Variants in SCEL observed in about 807,000 individuals in gnomAD.
SCEL encodes the protein sciellin.
A neutral mutation model predicts 117.6 loss-of-function variants in SCEL; 113 were observed. That is an observed-to-expected ratio of 0.96 (90% confidence interval 0.83 to 1.12). The LOEUF (loss-of-function observed/expected upper bound fraction) is 1.12, where lower values mean the gene tolerates loss of function less well. Ranked by LOEUF, SCEL falls within the 50% of genes most tolerant of loss-of-function variation. The pLI, the probability that SCEL is intolerant of heterozygous loss-of-function variation, is 0.00. For missense variants in SCEL, 785 were observed against 810.8 expected (o/e 0.97, Z 0.39); for synonymous variants, 270 against 256.2 (o/e 1.05, Z -0.51).
intron 1 of SCEL, among the ~76,000 whole-genome samples, chr13:77,545,534 A>G (rs1206191041): frequency 6.6e-6 from 1 of 152,252 alleles, no homozygotes; most frequent in Non-Finnish European, 1.5e-5. Flanking sequence ...ATATCCATGT[A>G]TATATAAAGT....
At chr13:77,641,869 A>G (rs1479948684) in intron 31 of SCEL, among the ~76,000 whole-genome samples, 2 of 152,170 alleles carry the variant, frequency 1.3e-5, no homozygotes, top group Non-Finnish European at 2.9e-5. Flanking sequence ...TTCCAATTTT[A>G]GGGCATAATG....
chr13:77,613,197 C>T (rs1372856149), intron 23 of SCEL, among the ~76,000 whole-genome samples: 1 of 151,858 alleles, frequency 6.6e-6, no homozygotes, highest in Non-Finnish European at 1.5e-5. Context: ...GACACAGTAA[C>T]AGCATAACTA....
chr13:77,577,452 A>G (rs1173655907), intron 9 of SCEL, among the ~76,000 whole-genome samples: 1 of 152,058 alleles, frequency 6.6e-6, no homozygotes, highest in Non-Finnish European at 1.5e-5. Flanking sequence ...CTCACTCACT[A>G]TCACTAGAAC....
At chr13:77,630,735 T>C (rs1162295712) in intron 28 of SCEL, among the ~76,000 whole-genome samples, 1 of 152,222 alleles carries the variant, frequency 6.6e-6, no homozygotes, top group African/African-American at 2.4e-5. Context: ...CATTTGGAAT[T>C]CTATAAGATT....
chr13:77,592,716 A>C (rs1198379357), intron 11 of SCEL, among the ~76,000 whole-genome samples: 1 of 151,298 alleles, frequency 6.6e-6, no homozygotes, highest in African/African-American at 2.4e-5. Flanking sequence ...AGGCCACCAC[A>C]CCCAGCTAAT....
In SCEL at chr13:77,608,058, G is replaced by T. The variant is rs1319245423; in HGVS notation, c.1160G>T (p.Gly387Val). The change falls in exon 20 of 33, where the codon GGC becomes GTC. Residue 387 changes from glycine to valine, a missense_variant and splice_region_variant. Coordinates refer to ENST00000349847, the MANE Select transcript of SCEL (RefSeq NM_144777.3). ...DPETNKNITR[G>V]QSLDNLIKVT... The stretch of plus-strand genomic sequence containing the variant: ...ACCATTTCTTCAATGTTTTAAAGGG[G>T]CCAGAGCCTTGATAATCTCATCAAA... 1 of 1,612,452 alleles carries T rather than the reference G, an allele frequency of 6.2e-7. No homozygotes were observed.
chr13:77,588,270 T>C (rs1028520610), intron 9 of SCEL, among the ~76,000 whole-genome samples: 2 of 152,154 alleles, frequency 1.3e-5, no homozygotes, highest in African/African-American at 4.8e-5. Context: ...AGAAAGATTA[T>C]TACAGATGAA....
chr13:77,592,157 T>C (rs2086910455), intron 11 of SCEL, among the ~76,000 whole-genome samples: 1 of 152,184 alleles, frequency 6.6e-6, no homozygotes, highest in Non-Finnish European at 1.5e-5. Flanking sequence ...AAAACTTATA[T>C]ACTTTTCATT....
rs749397066 is a variant in SCEL, at chr13:77,640,683, A to G, written c.1846A>G (p.Ile616Val). ...TVYSTSDRSV[I>V]ERDMCTYCRK... ...TTGCTTACATTTCTATAGGTCTGTC[A>G]TTGAAAGAGATATGTGCACTTACTG... is the stretch of plus-strand genomic sequence containing the variant. The change falls in exon 31 of 33, where the codon ATT becomes GTT. Residue 616 changes from isoleucine to valine, a missense_variant. Ile to Val is a conservative substitution (Grantham distance 29). Transcript: ENST00000349847. 2.6e-6 allele frequency: 4 copies of G among 1,566,320 alleles called. No individual in the cohort carries two copies. Among genetic ancestry groups the G allele is most frequent in the Non-Finnish European group, 3.5e-6 (4 of 1,145,764 alleles).
chr13:77,558,016 A>G (rs694158), intron 3 of SCEL, among the ~76,000 whole-genome samples: 102,769 of 152,104 alleles, frequency 0.68, 35,159 homozygotes, highest in Admixed American at 0.75. Context: ...TGGAGTTAGC[A>G]CTATTGGACA....
At chr13:77,616,078 T>C (rs2089013443) in intron 24 of SCEL, among the ~76,000 whole-genome samples, 1 of 151,274 alleles carries the variant, frequency 6.6e-6, no homozygotes, top group Non-Finnish European at 1.5e-5. Flanking sequence ...TAGGCTGTGA[T>C]GTAAAATGTA....
At position 77,609,091 on chromosome 13, in the gene SCEL, T is replaced by C; in HGVS notation, c.1251T>C (p.Tyr417=). ...SKDLNNFIKV[Y]PGTEKSTEGG... ...ACCTTAATAACTTCATCAAAGTGTA[T>C]CCAGGAACAGAAAAAAGTACTGAAG... The change falls in exon 21 of 33, where the codon TAT becomes TAC. Residue 417 remains tyrosine (Y), a synonymous_variant. Transcript: ENST00000349847. 1 of 1,597,710 alleles carries C rather than the reference T, an allele frequency of 6.3e-7. No individual in the cohort carries two copies. Among genetic ancestry groups the C allele is most frequent in the Non-Finnish European group, 8.5e-7 (1 of 1,175,864 alleles).
chr13:77,539,603 T>C (rs988743731), intron 1 of SCEL, among the ~76,000 whole-genome samples: 1 of 152,110 alleles, frequency 6.6e-6, no homozygotes, highest in Non-Finnish European at 1.5e-5. Flanking sequence ...AGTGGCTCTA[T>C]CTCGGCTCAC....
intron 23 of SCEL, 25 bp downstream of exon 23, chr13:77,612,966 A>T (rs2088772582): frequency 7.1e-7 from 1 of 1,408,422 alleles, no homozygotes; most frequent in Non-Finnish European, 9.7e-7. Context: ...ATAATTGAAG[A>T]CTTCTTAGCA....
intron 16 of SCEL, 106 bp from the exon 17 acceptor site, chr13:77,602,548 G>T: frequency 1.1e-6 from 1 of 889,190 alleles, no homozygotes; most frequent in Non-Finnish European, 1.8e-6. Context: ...TGGTCATTTG[G>T]TCCTGAAAAC....
At chr13:77,596,462 T>A (rs575759554) in intron 12 of SCEL, among the ~76,000 whole-genome samples, 81 of 152,324 alleles carry the variant, frequency 5.3e-4, no homozygotes, top group African/African-American at 1.7e-3. Context: ...ATACTTTATA[T>A]TCATGAGCTT....
At chr13:77,612,963 A>G (rs1233480797) in intron 23 of SCEL, 22 bp downstream of exon 23, 2 of 1,447,154 alleles carry the variant, frequency 1.4e-6, no homozygotes, top group East Asian at 2.4e-5. Context: ...AAGATAATTG[A>G]AGACTTCTTA....
rs1443274217 is a variant in SCEL at position 77,602,209 on chromosome 13, CT to C, written c.977+88del. 10 of 1,147,524 alleles carry C rather than the reference CT, an allele frequency of 8.7e-6. No homozygotes were observed. In the Admixed American group the frequency reaches 1.4e-4, roughly 16 times the overall value. The allele number at this position is 1,147,524 out of a possible 1,614,324, so 71.1% of individuals were successfully genotyped here. A position where few individuals can be genotyped will look rare whatever the true frequency, so the allele number is the denominator to read the frequency against. ...TTAGGAATGGGAGTGTTATGCTTTC[CT>C]TTGTGGCAGTGAACTCTTGTACTGC... is the stretch of plus-strand genomic sequence containing the variant. On this transcript the variant is annotated intron_variant, in intron 16 of 32. Transcript: ENST00000349847.
intron 1 of SCEL, among the ~76,000 whole-genome samples, chr13:77,546,910 TG>T (rs2084020905): frequency 6.6e-6 from 1 of 152,182 alleles, no homozygotes; most frequent in Non-Finnish European, 1.5e-5. Context: ...TCCTCCCTCC[TG>T]CAAGCCACCT....
Sources: allele counts gnomAD v4.1 joint callset (sites outside exome capture counted in the v4.1 genomes callset), GRCh38; gene constraint gnomAD v4.1.1; transcripts MANE v1.5; gene names NCBI Gene and HGNC (gene_info 2026-07-23, HGNC 2026-07-21).